CEP131: variants seen among roughly 807,000 people sequenced by gnomAD.
CEP131 encodes centrosomal protein 131.
In CEP131, 99 loss-of-function variants were observed where a neutral mutation model predicts 136.8. The ratio of observed to expected loss-of-function variants is 0.72; its 90% CI spans 0.62 to 0.86. The LOEUF (loss-of-function observed/expected upper bound fraction) is 0.86, where lower values mean the gene tolerates loss of function less well. Ranked by LOEUF, CEP131 falls within the 40% of genes least tolerant of loss-of-function variation. The pLI is 0.00. For synonymous variants in CEP131, 646 were observed against 612.7 expected (o/e 1.05, Z -0.80); for missense variants, 1,459 against 1,463.0 (o/e 1.00, Z 0.04).
chr17:81,196,987 C>T lies in CEP131; in HGVS notation c.1716G>A (p.Arg572=), dbSNP rs761673774. Residue 572 remains arginine, a synonymous_variant, in exon 14 of 26, where the codon CGG becomes CGA. Transcript: ENST00000450824. The part of the protein sequence containing the change: ...LGSEVSTSVM[R]LKLEVEEKKQ... ...TCTTCTCCTCCACCTCCAGCTTCAG[C>T]CGCATCACAGACGTGCTCACCTCGG... is the stretch of plus-strand genomic sequence containing the variant. 3.1e-6 allele frequency: 5 copies of T among 1,604,988 alleles called. No homozygotes were observed. The South Asian group carries it at 4.5e-5, about 14-fold the overall frequency.
chr17:81,218,114 C>T (rs148656926), intron 2 of CEP131, among the ~76,000 whole-genome samples: 2,803 of 151,292 alleles, frequency 0.019, 96 homozygotes, highest in African/African-American at 0.066. Flanking sequence ...ATGATCTCGG[C>T]TCACTGCAGC....
intron 7 of CEP131, 24 bp downstream of exon 7, chr17:81,202,216 C>A (rs200008502): frequency 1.3e-6 from 2 of 1,548,088 alleles, no homozygotes; most frequent in Admixed American, 1.8e-5. Flanking sequence ...TCAGGCCCCC[C>A]CCCACCGCCC....
chr17:81,196,672 C>G lies in CEP131; in HGVS notation c.1899+29G>C, dbSNP rs373781755. 3.2e-5 allele frequency: 51 copies of G among 1,591,684 alleles called. 1 individual carries two copies. In the African/African-American group the frequency reaches 6.4e-4, roughly 20 times the overall value. ...GTCTCCATGAGCCACGCGCTGGGTC[C>G]GGGCCTCTGCGCTCCCCGGGCCGCT... On this transcript the variant is annotated intron_variant, in intron 15 of 25. Coordinates refer to ENST00000450824, the MANE Select transcript of CEP131 (RefSeq NM_014984.4).
In CEP131 at chr17:81,192,781, C is replaced by T; in HGVS notation, c.2384G>A (p.Ser795Asn). 6.3e-7 allele frequency: 1 copy of T among 1,597,488 alleles called. No individual in the cohort carries two copies. The highest frequency in any genetic ancestry group is 8.5e-7 in the Non-Finnish European group (1 of 1,178,266). Residue 795 changes from serine to asparagine, a missense_variant, in exon 19 of 26, where the codon AGT becomes AAT. Around this residue, in one of 3 missense-constraint regions of CEP131, gnomAD observed 1,026 missense variants for 964.2 expected, o/e 1.06. Transcript: ENST00000450824. ...CCGCTCCCTCTCCTCAGCCACCTCACTGTACAGCCGCTGCCGTTGCTGCTG... is the reference window on the plus strand; with the variant it reads ...CCGCTCCCTCTCCTCAGCCACCTCATTGTACAGCCGCTGCCGTTGCTGCTG... ...ALQQQRQRLY[S>N]EVAEERERLG...
chr17:81,191,464 A>G, intron 21 of CEP131, 129 bp from the exon 22 acceptor site: 2 of 836,376 alleles, frequency 2.4e-6, no homozygotes, highest in Non-Finnish European at 1.9e-6. Context: ...CCCCCTCTCC[A>G]GACCCCTGTC....
intron 3 of CEP131, among the ~76,000 whole-genome samples, chr17:81,207,569 C>A (rs1265467018): frequency 6.6e-6 from 1 of 151,268 alleles, no homozygotes; most frequent in South Asian, 2.1e-4. Context: ...AGGCTGGTCT[C>A]GAGCTCCTGG....
At chr17:81,217,611 G>A (rs1056662878) in intron 2 of CEP131, among the ~76,000 whole-genome samples, 1 of 152,082 alleles carries the variant, frequency 6.6e-6, no homozygotes, top group East Asian at 1.9e-4. Flanking sequence ...AGCAGTTCCC[G>A]AGCTCCCACC....
At chr17:81,192,694 C>A in intron 19 of CEP131, 42 bp downstream of exon 19, 1 of 1,433,792 alleles carries the variant, frequency 7.0e-7, no homozygotes, top group Non-Finnish European at 9.5e-7. Flanking sequence ...GGTCAGCCAG[C>A]GAGGGGTCCC....
rs777984289 is a variant in CEP131 at position 81,191,045 on chromosome 17, G to C, written c.2805C>G (p.Ser935=). 9.3e-6 allele frequency: 15 copies of C among 1,609,726 alleles called. No individual in the cohort carries two copies. The Admixed American group carries it at 2.5e-4, about 27-fold the overall frequency. The change falls in exon 23 of 26, where the codon TCC becomes TCG. Residue 935 remains serine, a synonymous_variant. Coordinates refer to ENST00000450824, the MANE Select transcript of CEP131 (RefSeq NM_014984.4). ...RLRDKYEAEL[S]ELEQSERKLQ... ...GCTTCCGCTCCGACTGCTCCAGCTCGGAGAGCTCGGCCTCGTACTTGTCCC... is the reference window on the plus strand; with the variant it reads ...GCTTCCGCTCCGACTGCTCCAGCTCCGAGAGCTCGGCCTCGTACTTGTCCC...
intron 2 of CEP131, 59 bp from the exon 3 acceptor site, chr17:81,209,081 A>C: frequency 7.9e-7 from 1 of 1,260,518 alleles, no homozygotes; most frequent in Non-Finnish European, 1.1e-6. Context: ...CAGTTTGCTC[A>C]GCCTCCGCCA....
chr17:81,190,572 G>A (rs2061614796), intron 24 of CEP131, 67 bp downstream of exon 24: 1 of 1,446,014 alleles, frequency 6.9e-7, no homozygotes, highest in Non-Finnish European at 9.1e-7. Flanking sequence ...GGGGCTTGGA[G>A]CTGCAGAGGT....
At position 81,206,645 on chromosome 17, in the gene CEP131, A is replaced by C. The variant is rs1416296301; in HGVS notation, c.515+99T>G. On this transcript the variant is annotated intron_variant, in intron 5 of 25. Transcript: ENST00000450824. ...TCACTCACTCATTCATTCATTCCAA[A>C]GCACCCTGAACGAGCCATAAACAAG... 25 of 1,453,686 alleles carry C rather than the reference A, an allele frequency of 1.7e-5. No homozygotes were observed. The East Asian group carries it at 4.9e-4, about 28-fold the overall frequency. The allele number at this position is 1,453,686 out of a possible 1,614,324, so 90.0% of individuals were successfully genotyped here. A position where few individuals can be genotyped will look rare whatever the true frequency, so the allele number is the denominator to read the frequency against.
intron 6 of CEP131, among the ~76,000 whole-genome samples, 160 bp from the exon 7 acceptor site, chr17:81,202,558 C>T (rs564294020): frequency 2.1e-4 from 32 of 152,322 alleles, no homozygotes; most frequent in African/African-American, 6.7e-4. Context: ...GGTGCGAGGC[C>T]GGCTCTCCCG....
chr17:81,221,330 C>G (rs946999538), intron 1 of CEP131, among the ~76,000 whole-genome samples: 7 of 152,074 alleles, frequency 4.6e-5, no homozygotes, highest in Admixed American at 1.3e-4. Context: ...GCAAACCCTG[C>G]CGGCCCCCAG....
chr17:81,196,150 CCTGTCCTCAG>C (rs1177120882), intron 15 of CEP131, among the ~76,000 whole-genome samples, 199 bp from the exon 16 acceptor site: 1 of 152,216 alleles, frequency 6.6e-6, no homozygotes, highest in African/African-American at 2.4e-5. Context: ...CATCCGCCGT[CCTGTCCTCAG>C]CTGGGGGACC....
Position 81,211,658 on chromosome 17 carries a change from C to T in CEP131, c.178-2636G>A, listed in dbSNP as rs138449748. 2.2e-3 allele frequency among the ~76,000 whole-genome samples: 329 copies of T among 152,250 alleles called. 1 individual carries two copies. The highest frequency in any genetic ancestry group is 3.7e-3 in the Non-Finnish European group (253 of 68,006). ...TCTAAATACGTGATTTGTGGCCAGG[C>T]GTGGTGGCTCATGCCTATAATCCCA... On this transcript the variant is annotated intron_variant, in intron 2 of 25. Coordinates refer to ENST00000450824, the MANE Select transcript of CEP131 (RefSeq NM_014984.4).
At chr17:81,212,177 G>A (rs1174069755) in intron 2 of CEP131, among the ~76,000 whole-genome samples, 4 of 151,546 alleles carry the variant, frequency 2.6e-5, no homozygotes, top group Admixed American at 2.0e-4. Context: ...ATATAAATTA[G>A]CCGGGCATGG....
At position 81,198,878 on chromosome 17, in the gene CEP131, T is replaced by C; in HGVS notation, c.1286A>G (p.Gln429Arg). The C allele has an allele frequency of 6.3e-7, 1 of 1,581,842 alleles. No homozygotes were observed. Among genetic ancestry groups the C allele is most frequent in the Non-Finnish European group, 8.6e-7 (1 of 1,164,718 alleles). The change falls in exon 11 of 26, where the codon CAG becomes CGG. Residue 429 changes from glutamine (Q) to arginine (R), a missense_variant and splice_region_variant. By Grantham distance (43) the Gln-to-Arg change is conservative. This residue lies in a region of CEP131 where 1,026 missense variants were observed against 964.2 expected (regional missense o/e 1.06). Transcript: ENST00000450824. ...EPQQPPEDRT[Q>R]DVLAQDAAGD... ...AGTGAAGGACAGCTGTGCTCAGACC[T>C]GCGTCCTGTCCTCTGGAGGCTGCTG...
At chr17:81,222,557 G>A (rs2062411500) in intron 1 of CEP131, among the ~76,000 whole-genome samples, 1 of 152,100 alleles carries the variant, frequency 6.6e-6, no homozygotes, top group Non-Finnish European at 1.5e-5. Flanking sequence ...GCGGGCCCCG[G>A]ACCTCCCTCA....
Sources: allele counts gnomAD v4.1 joint callset (sites outside exome capture counted in the v4.1 genomes callset), GRCh38; gene constraint gnomAD v4.1.1; regional missense constraint gnomAD v4.1.1; transcripts MANE v1.5; gene names NCBI Gene and HGNC (gene_info 2026-07-23, HGNC 2026-07-21).